The following WWOX variants were observed in gnomAD, a reference collection of about 807,000 sequenced individuals.
WWOX encodes the protein WW domain-containing oxidoreductase.
In WWOX, 69 loss-of-function variants were observed where a neutral mutation model predicts 46.2. The observed-to-expected ratio is 1.49, with a 90% CI of 1.23 to 1.82. WWOX has a LOEUF of 1.82. Ranked by LOEUF, WWOX falls within the 40% of genes most tolerant of loss-of-function variation. WWOX has a pLI of 0.00. For missense variants in WWOX, 919 were observed against 542.6 expected (o/e 1.69, Z -6.89); for synonymous variants, 359 against 202.6 (o/e 1.77, Z -6.56).
chr16:78,222,344 G>GAAA (rs397802718), intron 5 of WWOX, among the ~76,000 whole-genome samples: 10 of 135,482 alleles, frequency 7.4e-5, no homozygotes, highest in South Asian at 2.4e-4. Context: ...CGACTTAATA[G>GAAA]AAAAAAAAAA....
intron 8 of WWOX, among the ~76,000 whole-genome samples, chr16:78,783,602 A>G (rs1205997207): frequency 6.6e-6 from 1 of 152,198 alleles, no homozygotes; most frequent in Non-Finnish European, 1.5e-5. Flanking sequence ...GAGAGGAAGG[A>G]GTAATATTTG....
intron 8 of WWOX, 62 bp from the exon 9 acceptor site, chr16:79,211,546 T>C: frequency 6.2e-7 from 1 of 1,609,374 alleles, no homozygotes; most frequent in Non-Finnish European, 8.5e-7. Flanking sequence ...GCAGTCGAAA[T>C]GACGCCATCT....
rs114854218 is a variant in WWOX at position 78,796,460 on chromosome 16, C to T, written c.1056+363708C>T. Among the ~76,000 whole-genome samples, 1,456 of 152,340 alleles carry T rather than the reference C, an allele frequency of 9.6e-3. 22 individuals carry two copies. The highest frequency in any genetic ancestry group is 0.033 in the African/African-American group (1,385 of 41,574). Reference sequence around the variant, plus strand: ...CCAGAATTCAGTCACATGATCACAACCAACTGCAAGGGATTCTGGGAAATG... The same window carrying T: ...CCAGAATTCAGTCACATGATCACAATCAACTGCAAGGGATTCTGGGAAATG... On this transcript the variant is annotated intron_variant, in intron 8 of 8. Coordinates refer to ENST00000566780, the MANE Select transcript of WWOX (RefSeq NM_016373.4).
chr16:78,864,465 C>T (rs865806003), intron 8 of WWOX, among the ~76,000 whole-genome samples: 7 of 151,968 alleles, frequency 4.6e-5, no homozygotes, highest in Non-Finnish European at 8.8e-5. Context: ...GGCAAGGTTT[C>T]TCCATGTTGC....
In WWOX at chr16:78,311,413, A is replaced by G. The variant is rs1026230639; in HGVS notation, c.517-75447A>G. Among the ~76,000 whole-genome samples, 7 of 152,234 alleles carry G rather than the reference A, an allele frequency of 4.6e-5. No homozygotes were observed. In the South Asian group the frequency reaches 6.2e-4, roughly 14 times the overall value. On this transcript the variant is annotated intron_variant, in intron 5 of 8. Transcript: ENST00000566780. Reference sequence around the variant, plus strand: ...GATTTATAACTGGGAGACAGAAGGTATGCTGAAAGGTACTCAAACTGTCAC... The same window carrying G: ...GATTTATAACTGGGAGACAGAAGGTGTGCTGAAAGGTACTCAAACTGTCAC...
At chr16:78,980,163 C>T (rs946235035) in intron 8 of WWOX, among the ~76,000 whole-genome samples, 1 of 152,196 alleles carries the variant, frequency 6.6e-6, no homozygotes, top group Non-Finnish European at 1.5e-5. Context: ...CCCCCTTTTC[C>T]TCCAACTCCC....
At chr16:78,986,227 G>A (rs377221127) in intron 8 of WWOX, among the ~76,000 whole-genome samples, 6 of 152,204 alleles carry the variant, frequency 3.9e-5, no homozygotes, top group African/African-American at 1.4e-4. Context: ...TTTCCACTGG[G>A]GATGATAGAA....
At chr16:78,683,544 AAAAATAAT>A (rs1341359614) in intron 8 of WWOX, among the ~76,000 whole-genome samples, 7 of 92,654 alleles carry the variant, frequency 7.6e-5, no homozygotes, top group Non-Finnish European at 1.6e-4. Flanking sequence ...TATCTCAAAA[AAAAATAAT>A]AAAAATAATA....
In WWOX at chr16:78,498,794, G is replaced by A. The variant is rs952819790; in HGVS notation, c.1056+66042G>A. 2.3e-4 allele frequency among the ~76,000 whole-genome samples: 35 copies of A among 152,160 alleles called. 1 individual carries two copies. Among genetic ancestry groups the A allele is most frequent in the African/African-American group, 8.4e-4 (35 of 41,440 alleles). On this transcript the variant is annotated intron_variant, in intron 8 of 8. Coordinates refer to ENST00000566780, the MANE Select transcript of WWOX (RefSeq NM_016373.4). ...TAGTTCACTATAATCTCGAACTCCTGGTTTCAAGTAGTCTTCCTGCCTTGG... is the reference window on the plus strand; with the variant it reads ...TAGTTCACTATAATCTCGAACTCCTAGTTTCAAGTAGTCTTCCTGCCTTGG...
chr16:78,207,394 C>T (rs1427166895), intron 5 of WWOX, among the ~76,000 whole-genome samples: 2 of 151,934 alleles, frequency 1.3e-5, no homozygotes, highest in African/African-American at 4.8e-5. Flanking sequence ...ATAGATATTG[C>T]CAAATATTTA....
intron 8 of WWOX, among the ~76,000 whole-genome samples, chr16:79,119,532 T>G (rs2049585302): frequency 6.6e-6 from 1 of 152,206 alleles, no homozygotes; most frequent in African/African-American, 2.4e-5. Flanking sequence ...GACGTTCATA[T>G]GATGTTTTGC....
chr16:78,155,322 G>A lies in WWOX; in HGVS notation c.410-8861G>A, dbSNP rs926100825. On this transcript the variant is annotated intron_variant, in intron 4 of 8. Transcript: ENST00000566780. ...AAGAAAGTATGGGCCACACAAAACA[G>A]GTCTGTGGGCTTGACTTGTCCTCTG... Among the ~76,000 whole-genome samples, 11 of 152,108 alleles carry A rather than the reference G, an allele frequency of 7.2e-5. No homozygotes were observed. The East Asian group carries it at 2.1e-3, about 29-fold the overall frequency.
intron 8 of WWOX, among the ~76,000 whole-genome samples, chr16:78,647,086 C>T (rs755974635): frequency 3.3e-5 from 5 of 152,172 alleles, no homozygotes; most frequent in Non-Finnish European, 7.3e-5. Flanking sequence ...CCGATGATGG[C>T]CAAGCCTTGA....
At chr16:78,751,372 A>G (rs1188850758) in intron 8 of WWOX, among the ~76,000 whole-genome samples, 1 of 149,158 alleles carries the variant, frequency 6.7e-6, no homozygotes, top group Non-Finnish European at 1.5e-5. Context: ...GGTGTATAGT[A>G]ACACACCTCT....
At chr16:78,960,758 A>G (rs546096862) in intron 8 of WWOX, among the ~76,000 whole-genome samples, 17 of 152,256 alleles carry the variant, frequency 1.1e-4, no homozygotes, top group African/African-American at 4.1e-4. Flanking sequence ...GAGCCTATGT[A>G]GCTTTGGGAG....
chr16:79,017,459 A>AAAAAAAAAAAAAG (rs2047440151), intron 8 of WWOX: 1 of 146,886 alleles, frequency 6.8e-6, no homozygotes, highest in African/African-American at 2.6e-5. Flanking sequence ...AAAAAAAAAA[A>AAAAAAAAAAAAAG]AAAGAAAGAA....
intron 5 of WWOX, among the ~76,000 whole-genome samples, chr16:78,173,242 T>A (rs1175512441): frequency 6.6e-6 from 1 of 152,186 alleles, no homozygotes; most frequent in Non-Finnish European, 1.5e-5. Context: ...AATCCCAGTG[T>A]GAATACTAAC....
At chr16:78,773,017 T>G (rs2050101740) in intron 8 of WWOX, among the ~76,000 whole-genome samples, 1 of 152,060 alleles carries the variant, frequency 6.6e-6, no homozygotes, top group Non-Finnish European at 1.5e-5. Flanking sequence ...AAGGTCTGTT[T>G]TGCAGACCTT....
intron 8 of WWOX, among the ~76,000 whole-genome samples, chr16:78,527,972 C>T (rs1040938584): frequency 7.5e-6 from 1 of 132,516 alleles, no homozygotes; most frequent in Non-Finnish European, 1.6e-5. Flanking sequence ...GTGGCTATGT[C>T]ACAGGACTGG....
Sources: allele counts gnomAD v4.1 joint callset (sites outside exome capture counted in the v4.1 genomes callset), GRCh38; gene constraint gnomAD v4.1.1; transcripts MANE v1.5; gene names NCBI Gene and HGNC (gene_info 2026-07-23, HGNC 2026-07-21).